The following LDLRAD4 variants were observed in gnomAD, a reference collection of about 807,000 sequenced individuals.
LDLRAD4 encodes the protein low-density lipoprotein receptor class A domain-containing protein 4.
Under a neutral mutation model 17.0 loss-of-function variants are expected in LDLRAD4, and 5 were observed. The ratio of observed to expected loss-of-function variants is 0.29; its 90% confidence interval spans 0.15 to 0.62. The LOEUF is 0.62. LDLRAD4 is among the 20% of genes least tolerant of loss of function. LDLRAD4 has a pLI of 0.84. For missense variants in LDLRAD4, 340 were observed against 424.7 expected (o/e 0.80, Z 1.75); for synonymous variants, 168 against 171.8 (o/e 0.98, Z 0.17).
chr18:13,404,003 G>A (rs532500666), intron 2 of LDLRAD4, among the ~76,000 whole-genome samples: 3 of 152,232 alleles, frequency 2.0e-5, no homozygotes, highest in Admixed American at 6.5e-5. Flanking sequence ...ACCCTGAACC[G>A]GGGGAGGCTG....
At chr18:13,494,776 CCTCCCAGGA>C in intron 3 of LDLRAD4, among the ~76,000 whole-genome samples, 14 of 148,152 alleles carry the variant, frequency 9.4e-5, no homozygotes, top group African/African-American at 3.5e-4. Context: ...GCCCCTAGCG[CCTCCCAGGA>C]TGAAGGCTTT....
intron 3 of LDLRAD4, among the ~76,000 whole-genome samples, chr18:13,464,430 A>G (rs2092547301): frequency 6.6e-6 from 1 of 152,180 alleles, no homozygotes; most frequent in South Asian, 2.1e-4. Context: ...TCATTTCTGT[A>G]CCTTTATCGG....
intron 3 of LDLRAD4, among the ~76,000 whole-genome samples, chr18:13,542,678 T>G (rs9947342): frequency 0.58 from 88,689 of 151,942 alleles, 26,243 homozygotes; most frequent in Middle Eastern, 0.72. Context: ...CGGGCGGAGG[T>G]GGGTGCTCCA....
exon 6 of LDLRAD4, chr18:13,652,127 C>G (rs1476006539): frequency 6.6e-6 from 1 of 152,218 alleles, no homozygotes; most frequent in Non-Finnish European, 1.5e-5. Context: ...GCTCCCACCC[C>G]CCAGGTTCAA....
intron 1 of LDLRAD4, among the ~76,000 whole-genome samples, chr18:13,373,269 A>AGGTTCT (rs1266980236): frequency 9.2e-5 from 14 of 152,132 alleles, no homozygotes; most frequent in African/African-American, 3.4e-4. Context: ...TTGAGAACCT[A>AGGTTCT]AAAAGCAACT....
At chr18:13,546,071 G>A (rs2094357504) in intron 3 of LDLRAD4, among the ~76,000 whole-genome samples, 1 of 152,200 alleles carries the variant, frequency 6.6e-6, no homozygotes, top group African/African-American at 2.4e-5. Context: ...GCCTGAGGCT[G>A]TTCGGGATTA....
At chr18:13,495,349 C>T (rs918480730) in intron 3 of LDLRAD4, among the ~76,000 whole-genome samples, 3 of 152,132 alleles carry the variant, frequency 2.0e-5, no homozygotes, top group Admixed American at 6.5e-5. Flanking sequence ...CTTTAGTTGA[C>T]GAATCTCAGG....
chr18:13,612,853 G>C, intron 3 of LDLRAD4: 1 of 1,551,564 alleles, frequency 6.4e-7, no homozygotes, highest in East Asian at 2.3e-5. Context: ...TTGGTCTGAG[G>C]ACAGAGCTGA....
intron 4 of LDLRAD4, among the ~76,000 whole-genome samples, chr18:13,638,337 C>A (rs1045936288): frequency 3.6e-4 from 55 of 152,228 alleles, no homozygotes; most frequent in Middle Eastern, 3.2e-3. Context: ...CTAGCCTATG[C>A]AATGGCTACC....
intron 3 of LDLRAD4, among the ~76,000 whole-genome samples, chr18:13,535,853 G>A (rs1236340341): frequency 6.6e-6 from 1 of 152,160 alleles, no homozygotes; most frequent in African/African-American, 2.4e-5. Context: ...TAAGAGTCAA[G>A]TTCACTTTTT....
chr18:13,334,109 T>C (rs903309145), intron 1 of LDLRAD4, among the ~76,000 whole-genome samples: 2 of 152,244 alleles, frequency 1.3e-5, no homozygotes, highest in African/African-American at 4.8e-5. Context: ...TCCATATAGA[T>C]GTTGTATATA....
At chr18:13,612,822 T>C in intron 3 of LDLRAD4, 2 of 1,611,166 alleles carry the variant, frequency 1.2e-6, no homozygotes, top group South Asian at 2.2e-5. Flanking sequence ...CTTTCGGGTT[T>C]GCTGTGGTTC....
chr18:13,314,500 A>G (rs559979664), intron 1 of LDLRAD4, among the ~76,000 whole-genome samples: 1 of 152,358 alleles, frequency 6.6e-6, no homozygotes, highest in East Asian at 1.9e-4. Context: ...AGTGATCTTG[A>G]AAAGCTGGAC....
At chr18:13,457,883 G>C (rs1303449152) in intron 3 of LDLRAD4, among the ~76,000 whole-genome samples, 1 of 152,210 alleles carries the variant, frequency 6.6e-6, no homozygotes, top group Non-Finnish European at 1.5e-5. Flanking sequence ...ACCATGCTCA[G>C]GGAGTTTCCT....
chr18:13,612,118 G>A, intron 3 of LDLRAD4: 1 of 985,720 alleles, frequency 1.0e-6, no homozygotes, highest in Non-Finnish European at 1.2e-6. Flanking sequence ...GAGATCAAGG[G>A]AAGGAGTATT....
chr18:13,335,907 T>A (rs1228154301), intron 1 of LDLRAD4, among the ~76,000 whole-genome samples: 1 of 152,232 alleles, frequency 6.6e-6, no homozygotes, highest in Non-Finnish European at 1.5e-5. Flanking sequence ...GTAGTGTTAC[T>A]ATAAAGTACT....
intron 1 of LDLRAD4, among the ~76,000 whole-genome samples, chr18:13,298,795 G>A (rs1162675719): frequency 6.6e-6 from 1 of 152,236 alleles, no homozygotes; most frequent in Non-Finnish European, 1.5e-5. Context: ...TCTGGTTGAA[G>A]TCCATCCTGC....
chr18:13,348,963 G>A (rs1324033461), intron 1 of LDLRAD4, among the ~76,000 whole-genome samples: 1 of 152,198 alleles, frequency 6.6e-6, no homozygotes, highest in Non-Finnish European at 1.5e-5. Flanking sequence ...TTTTCCAGGT[G>A]CCATCTGTCA....
At chr18:13,218,582 C>T (rs1567899812), upstream of LDLRAD4, among the ~76,000 whole-genome samples, 1 of 152,120 alleles carries the variant, frequency 6.6e-6, no homozygotes, top group Non-Finnish European at 1.5e-5. Context: ...GGGGAGTTTG[C>T]GGGAAGGAGG....
Sources: allele counts gnomAD v4.1 joint callset (sites outside exome capture counted in the v4.1 genomes callset), GRCh38; gene constraint gnomAD v4.1.1; transcripts MANE v1.5; gene names NCBI Gene and HGNC (gene_info 2026-07-23, HGNC 2026-07-21).